The following SORCS2 variants were observed in gnomAD, a reference collection of about 807,000 sequenced individuals.
SORCS2 encodes the protein VPS10 domain-containing receptor SorCS2.
In SORCS2, 100 loss-of-function variants were observed where a neutral mutation model predicts 141.6. The observed-to-expected ratio is 0.71, with a 90% CI of 0.60 to 0.83. The LOEUF is 0.83. SORCS2 is among the 40% of genes least tolerant of loss of function. The pLI is 0.00. For missense variants in SORCS2, 1,646 were observed against 1,560.2 expected, an observed-to-expected ratio of 1.05 and a Z score of -0.93; for synonymous variants, 789 against 676.9, an observed-to-expected ratio of 1.17 and a Z score of -2.57.
At chr4:7,434,146 T>C in intron 2 of SORCS2, 1 of 1,613,842 alleles carries the variant, frequency 6.2e-7, no homozygotes, top group Non-Finnish European at 8.5e-7. Flanking sequence ...GCAGAGCTCC[T>C]GCGGGGGGAG....
chr4:7,308,737 C>T (rs2108915589), intron 1 of SORCS2, among the ~76,000 whole-genome samples: 1 of 151,954 alleles, frequency 6.6e-6, no homozygotes, highest in South Asian at 2.1e-4. Flanking sequence ...ACCCTGTCCT[C>T]TCTCTCCAGC....
chr4:7,651,814 T>A (rs10005748), intron 4 of SORCS2, among the ~76,000 whole-genome samples: 2,176 of 152,220 alleles, frequency 0.014, 54 homozygotes, highest in African/African-American at 0.048. Context: ...CTGTTCCTCA[T>A]GGGTAAGAGG....
chr4:7,304,456 T>C (rs1231870214), intron 1 of SORCS2, among the ~76,000 whole-genome samples: 5 of 152,180 alleles, frequency 3.3e-5, no homozygotes. Context: ...AAGAGGCGGA[T>C]GCGGGTGGGT....
At chr4:7,426,412 C>T (rs1726442742) in intron 2 of SORCS2, among the ~76,000 whole-genome samples, 1 of 151,434 alleles carries the variant, frequency 6.6e-6, no homozygotes, top group Admixed American at 6.6e-5. Flanking sequence ...CCCTGGGGGC[C>T]CATTACTAAG....
intron 3 of SORCS2, among the ~76,000 whole-genome samples, chr4:7,626,258 C>T (rs549746419): frequency 6.6e-6 from 1 of 152,332 alleles, no homozygotes; most frequent in East Asian, 1.9e-4. Context: ...TGCTAACAGA[C>T]TTTCTTAAGC....
At chr4:7,598,386 C>G (rs1225059277) in intron 3 of SORCS2, among the ~76,000 whole-genome samples, 3 of 152,138 alleles carry the variant, frequency 2.0e-5, no homozygotes, top group Non-Finnish European at 4.4e-5. Flanking sequence ...TTCTGAGGGG[C>G]TCACCTTGCT....
At chr4:7,346,908 A>G (rs1309110444) in intron 1 of SORCS2, among the ~76,000 whole-genome samples, 1 of 152,162 alleles carries the variant, frequency 6.6e-6, no homozygotes, top group Non-Finnish European at 1.5e-5. Context: ...TGAAAATTTC[A>G]TGAGATCAGG....
chr4:7,458,053 TTGAG>T (rs1178916792), intron 2 of SORCS2, among the ~76,000 whole-genome samples: 1 of 152,170 alleles, frequency 6.6e-6, no homozygotes, highest in Non-Finnish European at 1.5e-5. Flanking sequence ...ATTGACCTGG[TTGAG>T]TGGGTGCCCA....
chr4:7,300,405 C>T (rs1290640571), intron 1 of SORCS2, among the ~76,000 whole-genome samples: 2 of 152,142 alleles, frequency 1.3e-5, no homozygotes, highest in Non-Finnish European at 2.9e-5. Context: ...TGCAGTGATG[C>T]AGAGAGGTGT....
At chr4:7,526,046 C>T (rs1269627920) in intron 2 of SORCS2, among the ~76,000 whole-genome samples, 2 of 151,978 alleles carry the variant, frequency 1.3e-5, no homozygotes, top group African/African-American at 2.4e-5. Context: ...ACACCTGTCT[C>T]CTCCTCAGTC....
intron 3 of SORCS2, among the ~76,000 whole-genome samples, chr4:7,581,750 T>C (rs558172869): frequency 6.6e-6 from 1 of 152,314 alleles, no homozygotes; most frequent in Non-Finnish European, 1.5e-5. Context: ...CTGTACACAG[T>C]GTGGACTCTT....
At chr4:7,735,301 A>T (rs989332231) in intron 25 of SORCS2, 1 of 154,508 alleles carries the variant, frequency 6.5e-6, no homozygotes, top group Non-Finnish European at 1.5e-5. Context: ...CCCTTCCCCG[A>T]TGCCAAGCCC....
At chr4:7,402,967 C>A (rs1485475825) in intron 2 of SORCS2, among the ~76,000 whole-genome samples, 1 of 151,890 alleles carries the variant, frequency 6.6e-6, no homozygotes, top group Non-Finnish European at 1.5e-5. Flanking sequence ...CATTTCCAGG[C>A]CCCTTAATTT....
intron 3 of SORCS2, among the ~76,000 whole-genome samples, chr4:7,601,376 T>A (rs1717654189): frequency 6.6e-6 from 1 of 152,122 alleles, no homozygotes; most frequent in Non-Finnish European, 1.5e-5. Context: ...CTTAAACATT[T>A]GTAGAACTCT....
intron 2 of SORCS2, among the ~76,000 whole-genome samples, chr4:7,473,805 G>A (rs1170806558): frequency 6.6e-6 from 1 of 152,158 alleles, no homozygotes; most frequent in Non-Finnish European, 1.5e-5. Context: ...GGAGGCTGGT[G>A]CAGTCACTGC....
At chr4:7,280,845 A>G (rs1337403534) in intron 1 of SORCS2, among the ~76,000 whole-genome samples, 3 of 152,252 alleles carry the variant, frequency 2.0e-5, no homozygotes, top group South Asian at 2.1e-4. Flanking sequence ...TAACCCAAGT[A>G]CAGTGCTCAG....
At chr4:7,424,759 TCTC>T (rs1726311234) in intron 2 of SORCS2, among the ~76,000 whole-genome samples, 1 of 152,090 alleles carries the variant, frequency 6.6e-6, no homozygotes, top group Admixed American at 6.5e-5. Flanking sequence ...GCATGGGAGA[TCTC>T]CTTAAGCCCT....
chr4:7,464,451 G>T (rs1729491143), intron 2 of SORCS2, among the ~76,000 whole-genome samples: 1 of 152,184 alleles, frequency 6.6e-6, no homozygotes, highest in South Asian at 2.1e-4. Flanking sequence ...GGGCTGGTGG[G>T]AGCGGTGGTT....
chr4:7,265,700 C>A (rs538250497), intron 1 of SORCS2, among the ~76,000 whole-genome samples: 9 of 152,304 alleles, frequency 5.9e-5, no homozygotes, highest in African/African-American at 2.2e-4. Flanking sequence ...TTTAGGGCCG[C>A]CCAGTGTAAT....
Sources: allele counts gnomAD v4.1 joint callset (sites outside exome capture counted in the v4.1 genomes callset), GRCh38; gene constraint gnomAD v4.1.1; transcripts MANE v1.5; gene names NCBI Gene and HGNC (gene_info 2026-07-23, HGNC 2026-07-21).